The following DENND2D variants were observed in gnomAD, a reference collection of about 807,000 sequenced individuals.
DENND2D encodes DENN domain-containing protein 2D.
A neutral mutation model predicts 59.8 loss-of-function variants in DENND2D; 37 were observed. The ratio of observed to expected loss-of-function variants is 0.62; its 90% CI spans 0.48 to 0.81. The LOEUF (loss-of-function observed/expected upper bound fraction) is 0.81. Ranked by LOEUF, DENND2D falls within the 40% of genes least tolerant of loss-of-function variation. DENND2D has a pLI of 0.00. For missense variants in DENND2D, 525 were observed against 579.7 expected, an observed-to-expected ratio of 0.91 and a Z score of 0.97; for synonymous variants, 219 against 211.3, an observed-to-expected ratio of 1.04 and a Z score of -0.31.
chr1:111,187,721 G>A (rs1281547455), intron 11 of DENND2D, 40 bp from the exon 12 acceptor site: 2 of 1,489,602 alleles, frequency 1.3e-6, no homozygotes, highest in Admixed American at 1.7e-5. Flanking sequence ...ATCTGATCTG[G>A]TCAGGCAGAT....
chr1:111,203,731 C>T (rs1659025708), upstream of DENND2D, among the ~76,000 whole-genome samples: 1 of 152,270 alleles, frequency 6.6e-6, no homozygotes, highest in East Asian at 1.9e-4. Context: ...GTTCTACCGC[C>T]GCTCCGCTGG....
At chr1:111,193,244 G>C (rs1353403166) in intron 7 of DENND2D, among the ~76,000 whole-genome samples, 1 of 152,186 alleles carries the variant, frequency 6.6e-6, no homozygotes, top group African/African-American at 2.4e-5. Context: ...TCTCTGAGAG[G>C]CTAGCTGACT....
At chr1:111,198,447 A>T (rs1658462388) in intron 3 of DENND2D, among the ~76,000 whole-genome samples, 183 bp downstream of exon 3, 1 of 152,332 alleles carries the variant, frequency 6.6e-6, no homozygotes, top group Non-Finnish European at 1.5e-5. Context: ...GTGACTGATC[A>T]AACTGATAGC....
chr1:111,197,154 C>CAAACAGGG, intron 5 of DENND2D, 22 bp downstream of exon 5: 1 of 1,163,168 alleles, frequency 8.6e-7, no homozygotes, highest in East Asian at 3.1e-5. Flanking sequence ...TATGGGCAGG[C>CAAACAGGG]CCTGAGGAAT....
chr1:111,194,976 G>T (rs1005106497), intron 6 of DENND2D, among the ~76,000 whole-genome samples: 13 of 152,024 alleles, frequency 8.6e-5, no homozygotes, highest in African/African-American at 1.2e-4. Flanking sequence ...TTCACCACAT[G>T]GGCTTCTGTT....
intron 8 of DENND2D, among the ~76,000 whole-genome samples, chr1:111,190,675 C>T (rs1345444323): frequency 2.0e-5 from 3 of 152,182 alleles, no homozygotes; most frequent in African/African-American, 7.2e-5. Flanking sequence ...ATTTAAATGC[C>T]CGCTGGGCCT....
Position 111,186,744 on chromosome 1 carries a change from G to C in DENND2D, c.*861C>G, listed in dbSNP as rs907180360. On this transcript the variant is annotated 3_prime_UTR_variant, in exon 12 of 12. Coordinates refer to ENST00000357640, the MANE Select transcript of DENND2D (RefSeq NM_024901.5). ...TGCTGCTCAAAATAAAGATCAGTTG[G>C]AGGTAGGATGTCCAAGACTGAAGGT... Among the ~76,000 whole-genome samples the C allele has an allele frequency of 7.9e-5, 12 of 152,196 alleles. No individual in the cohort carries two copies. Among genetic ancestry groups the C allele is most frequent in the African/African-American group, 2.9e-4 (12 of 41,442 alleles).
At chr1:111,192,788 T>A (rs1657898506) in intron 7 of DENND2D, among the ~76,000 whole-genome samples, 1 of 152,172 alleles carries the variant, frequency 6.6e-6, no homozygotes, top group Non-Finnish European at 1.5e-5. Context: ...CACTGGAGGC[T>A]CAGCCGAGAG....
chr1:111,204,444 A>G, upstream of DENND2D: 1 of 1,234,510 alleles, frequency 8.1e-7, no homozygotes, highest in Non-Finnish European at 1.0e-6. Flanking sequence ...TTTCACTTTC[A>G]CGCGGGGGGA....
At chr1:111,192,833 C>A (rs144677503) in intron 7 of DENND2D, among the ~76,000 whole-genome samples, 19 of 152,326 alleles carry the variant, frequency 1.2e-4, no homozygotes, top group African/African-American at 4.6e-4. Context: ...TCTATCCACC[C>A]TCATCCCCAG....
chr1:111,188,957 A>AT (rs1397512695), intron 9 of DENND2D, among the ~76,000 whole-genome samples, 171 bp from the exon 10 acceptor site: 2 of 152,218 alleles, frequency 1.3e-5, no homozygotes, highest in Admixed American at 1.3e-4. Context: ...GACTCTAGAC[A>AT]TTAGCAAGGG....
At chr1:111,197,293 C>A in intron 4 of DENND2D, 40 bp from the exon 5 acceptor site, 2 of 1,590,016 alleles carry the variant, frequency 1.3e-6, no homozygotes. Flanking sequence ...GCTGCAGCCT[C>A]CCCAAGGGCT....
At chr1:111,203,471 G>A (rs1370860150), upstream of DENND2D, among the ~76,000 whole-genome samples, 1 of 152,250 alleles carries the variant, frequency 6.6e-6, no homozygotes, top group African/African-American at 2.4e-5. Flanking sequence ...CATAGGACTG[G>A]CTAGTGGTAA....
rs763768849 is a variant in DENND2D at position 111,192,305 on chromosome 1, C to T, written c.807G>A (p.Gln269=). The change falls in exon 8 of 12, where the codon CAG becomes CAA. Residue 269 remains glutamine (Q), a synonymous_variant. Coordinates refer to ENST00000357640, the MANE Select transcript of DENND2D (RefSeq NM_024901.5). ...GCAGTGCGGCAGCAGCATGGATGCA[C>T]TGAGACAAGGTGCTGGGACAGAGCA... The part of the protein sequence containing the change: ...FLAEGLSTLS[Q]CIHAAAALLY... 1 of 1,605,948 alleles carries T rather than the reference C, an allele frequency of 6.2e-7. No homozygotes were observed. The highest frequency in any genetic ancestry group is 1.7e-5 in the Admixed American group (1 of 59,610).
intron 1 of DENND2D, 128 bp downstream of exon 1, chr1:111,200,265 C>T: frequency 7.6e-7 from 1 of 1,312,456 alleles, no homozygotes; most frequent in South Asian, 1.3e-5. Context: ...CCTCCTGACC[C>T]AGTCACATGG....
chr1:111,200,028 T>A, intron 1 of DENND2D: 2 of 607,574 alleles, frequency 3.3e-6, no homozygotes, highest in Non-Finnish European at 5.6e-6. Context: ...AAGAAACCAC[T>A]GACACAGAAG....
chr1:111,189,157 C>T (rs1015582613), intron 9 of DENND2D, 55 bp downstream of exon 9: 1 of 1,581,796 alleles, frequency 6.3e-7, no homozygotes, highest in South Asian at 1.1e-5. Flanking sequence ...ATGGATGAAA[C>T]TAGAGTGGTA....
rs138150942 is a variant in DENND2D, at chr1:111,197,923, G to C, written c.423C>G (p.Leu141=). ...GGCAGTTCTGAGCTGCACAGACCAA[G>C]AGGCGCCTGCAGTATCCAATCTTTC... The part of the protein sequence containing the change: ...GSRKIGYCRR[L]LPAGPGPRLP... The change falls in exon 4 of 12, where the codon CTC becomes CTG. Residue 141 remains leucine, a synonymous_variant. Transcript: ENST00000357640. 2.5e-6 allele frequency: 4 copies of C among 1,613,832 alleles called. No homozygotes were observed. The South Asian group carries it at 3.3e-5, about 13-fold the overall frequency.
At chr1:111,198,483 C>G (rs1436596318) in intron 3 of DENND2D, 147 bp downstream of exon 3, 1 of 741,406 alleles carries the variant, frequency 1.3e-6, no homozygotes, top group Non-Finnish European at 2.2e-6. Context: ...TGAGGGACCC[C>G]AGGCCAGATG....
Sources: allele counts gnomAD v4.1 joint callset (sites outside exome capture counted in the v4.1 genomes callset), GRCh38; gene constraint gnomAD v4.1.1; transcripts MANE v1.5; gene names NCBI Gene and HGNC (gene_info 2026-07-23, HGNC 2026-07-21).